The following DMBT1 variants were observed in gnomAD, a reference collection of about 807,000 sequenced individuals.
The protein encoded by DMBT1 is scavenger receptor cysteine-rich domain-containing protein DMBT1.
Under a neutral mutation model 252.9 loss-of-function variants are expected in DMBT1, and 198 were observed. That is an observed-to-expected ratio of 0.78 (90% CI 0.70 to 0.88). DMBT1 has a LOEUF of 0.88. Among genes scored for constraint, DMBT1 ranks in the 40% least tolerant of loss-of-function variants. DMBT1 has a pLI of 0.00. For missense variants in DMBT1, 2,432 were observed against 2,404.7 expected, an observed-to-expected ratio of 1.01 and a Z score of -0.24; for synonymous variants, 990 against 942.7, an observed-to-expected ratio of 1.05 and a Z score of -0.92.
intron 54 of DMBT1, 98 bp from the exon 55 acceptor site, chr10:122,639,942 G>A: frequency 2.1e-6 from 3 of 1,413,394 alleles, no homozygotes; most frequent in Non-Finnish European, 2.8e-6. Flanking sequence ...TGGAAGTCTT[G>A]TTGAGTCACG....
At position 122,586,409 on chromosome 10, in the gene DMBT1, C is replaced by G; in HGVS notation, c.1783+26C>G. 1.9e-6 allele frequency: 3 copies of G among 1,587,096 alleles called. 1 individual carries two copies. The African/African-American group carries it at 4.0e-5, about 21-fold the overall frequency. On this transcript the variant is annotated intron_variant, in intron 16 of 55. Transcript: ENST00000338354. ...GTGGGCCTCCAAGACTTTTGGTTTC[C>G]TCTCTTGGGGTAGATTTTGCTCAGG...
chr10:122,626,271 T>C (rs2098118218), intron 46 of DMBT1, among the ~76,000 whole-genome samples: 1 of 152,352 alleles, frequency 6.6e-6, no homozygotes, highest in Admixed American at 6.5e-5. Flanking sequence ...TTTCACCATA[T>C]GGCTATGTTT....
chr10:122,588,466 C>T lies in DMBT1; in HGVS notation c.1784-478C>T, dbSNP rs561168639. ...CCCTGGAGGGCTCCCTACTCCTATT[C>T]GACCTCGTTCCTGGCCCTCCAGCCA... On this transcript the variant is annotated intron_variant, in intron 16 of 55. Transcript: ENST00000338354. 8.3e-4 allele frequency among the ~76,000 whole-genome samples: 124 copies of T among 149,038 alleles called. 8 individuals are homozygous for T. Among genetic ancestry groups the T allele is most frequent in the African/African-American group, 2.6e-3 (109 of 41,308 alleles).
chr10:122,635,227 G>A (rs2098216889), intron 52 of DMBT1, among the ~76,000 whole-genome samples: 1 of 152,142 alleles, frequency 6.6e-6, no homozygotes. Flanking sequence ...AGATTACTTT[G>A]CCTTTGTAAA....
intron 45 of DMBT1, among the ~76,000 whole-genome samples, 166 bp from the exon 46 acceptor site, chr10:122,625,767 T>C (rs1034059057): frequency 6.6e-6 from 1 of 152,214 alleles, no homozygotes; most frequent in Non-Finnish European, 1.5e-5. Context: ...TGGGAGGTGC[T>C]ACATACTCTA....
At chr10:122,625,173 G>A in intron 44 of DMBT1, 104 bp from the exon 45 acceptor site, 3 of 1,097,634 alleles carry the variant, frequency 2.7e-6, no homozygotes, top group Non-Finnish European at 4.1e-6. Flanking sequence ...GATGACTCTT[G>A]GGGAGCATTT....
intron 9 of DMBT1, 112 bp downstream of exon 9, chr10:122,578,871 C>A: frequency 1.8e-6 from 2 of 1,103,350 alleles, no homozygotes; most frequent in Non-Finnish European, 2.7e-6. Context: ...GTGGGCTAAG[C>A]GTGGGAGGGT....
In DMBT1 at chr10:122,586,059, G is replaced by A; in HGVS notation, c.1460-1G>A. 2 of 1,588,656 alleles carry A rather than the reference G, an allele frequency of 1.3e-6. 1 individual carries two copies. Among genetic ancestry groups the A allele is most frequent in the Non-Finnish European group, 1.7e-6 (2 of 1,165,978 alleles). Reference sequence around the variant, plus strand: ...TGAAGGGTTCTTGTTTTCCCCTGTAGGATCTGAATCCAGTTTGGCCCTGAG... The same window carrying A: ...TGAAGGGTTCTTGTTTTCCCCTGTAAGATCTGAATCCAGTTTGGCCCTGAG... On this transcript the variant is annotated splice_acceptor_variant, in intron 15 of 55. Coordinates refer to ENST00000338354, the MANE Select transcript of DMBT1 (RefSeq NM_001377530.1). LOFTEE classifies it high-confidence loss of function.
rs760611015 is a variant in DMBT1, at chr10:122,572,321, G to A, written c.195G>A (p.Pro65=). Reference sequence around the variant, plus strand: ...CCTTTCTCCACCCTGCAGGTTCTCCGATTTCCTTGGAGTCAACCCTGGAGT... The same window carrying A: ...CCTTTCTCCACCCTGCAGGTTCTCCAATTTCCTTGGAGTCAACCCTGGAGT... ...TLESTVAEGS[P]ISLESTLEST... is the part of the protein sequence containing the mutation. Residue 65 remains proline, a synonymous_variant, in exon 5 of 56, where the codon CCG becomes CCA. Transcript: ENST00000338354. 10 of 1,613,120 alleles carry A rather than the reference G, an allele frequency of 6.2e-6. No individual in the cohort carries two copies. Among genetic ancestry groups the A allele is most frequent in the Middle Eastern group, 1.6e-4 (1 of 6,082 alleles).
chr10:122,627,098 C>A (rs1222644038), intron 46 of DMBT1, among the ~76,000 whole-genome samples: 3 of 152,264 alleles, frequency 2.0e-5, no homozygotes, highest in South Asian at 2.1e-4. Context: ...AGATTTTAAT[C>A]TTGAGAATTA....
At chr10:122,637,447 A>G in intron 54 of DMBT1, 135 bp downstream of exon 54, 8 of 1,064,402 alleles carry the variant, frequency 7.5e-6, no homozygotes, top group Non-Finnish European at 1.1e-5. Flanking sequence ...ATAAAGGAAG[A>G]TAAAAAACCT....
At chr10:122,568,338 G>A (rs1018449394) in intron 2 of DMBT1, among the ~76,000 whole-genome samples, 1 of 152,140 alleles carries the variant, frequency 6.6e-6, no homozygotes, top group African/African-American at 2.4e-5. Flanking sequence ...TGTCAGGGCT[G>A]AGTCAGAACC....
chr10:122,562,653 A>G (rs2097558559), intron 1 of DMBT1, among the ~76,000 whole-genome samples: 1 of 152,216 alleles, frequency 6.6e-6, no homozygotes, highest in Admixed American at 6.5e-5. Context: ...TTTATCTACA[A>G]AGAAACAACA....
intron 54 of DMBT1, among the ~76,000 whole-genome samples, chr10:122,638,545 A>T (rs2684744): frequency 6.6e-6 from 1 of 152,068 alleles, no homozygotes; most frequent in African/African-American, 2.4e-5. Flanking sequence ...GGGCTTAAGC[A>T]ATCTTCCAGC....
intron 46 of DMBT1, among the ~76,000 whole-genome samples, chr10:122,627,965 T>A (rs3019468): frequency 0.51 from 77,822 of 152,058 alleles, 22,930 homozygotes; most frequent in African/African-American, 0.81. Flanking sequence ...GCCGTCAGGG[T>A]CATGCAAATG....
At chr10:122,572,248 G>A (rs1382714526) in intron 4 of DMBT1, 66 bp from the exon 5 acceptor site, 2 of 1,600,534 alleles carry the variant, frequency 1.2e-6, no homozygotes, top group African/African-American at 1.3e-5. Flanking sequence ...ACCTGAGGAA[G>A]CCATGGACCA....
chr10:122,639,112 A>G (rs936488402), intron 54 of DMBT1, among the ~76,000 whole-genome samples: 5 of 152,214 alleles, frequency 3.3e-5, no homozygotes, highest in African/African-American at 1.2e-4. Context: ...ATTTTTATCT[A>G]AAATTAGAAC....
At chr10:122,635,964 G>A (rs2098223882) in intron 52 of DMBT1, 27 bp from the exon 53 acceptor site, 2 of 1,612,364 alleles carry the variant, frequency 1.2e-6, no homozygotes, top group Admixed American at 1.7e-5. Context: ...AGGAAATGAA[G>A]CCAAATGGTG....
chr10:122,617,341 A>T, intron 40 of DMBT1, 81 bp downstream of exon 40: 1 of 1,507,494 alleles, frequency 6.6e-7, no homozygotes, highest in African/African-American at 1.4e-5. Context: ...ATGAGGCTCA[A>T]GGTGGGCCCC....
Sources: allele counts gnomAD v4.1 joint callset (sites outside exome capture counted in the v4.1 genomes callset), GRCh38; gene constraint gnomAD v4.1.1; transcripts MANE v1.5; gene names NCBI Gene and HGNC (gene_info 2026-07-23, HGNC 2026-07-21).